Variants in KLHL1 observed in about 807,000 individuals in gnomAD.
The protein encoded by KLHL1 is kelch like family member 1.
KLHL1 carries 47 observed loss-of-function variants against 77.7 expected under a neutral mutation model. That is an observed-to-expected ratio of 0.60 (90% CI 0.48 to 0.77). The LOEUF is 0.77. Ranked by LOEUF, KLHL1 falls within the 30% of genes least tolerant of loss-of-function variation. The pLI is 0.00. For missense variants in KLHL1, 925 were observed against 910.8 expected, an observed-to-expected ratio of 1.02 and a Z score of -0.20; for synonymous variants, 360 against 325.2, an observed-to-expected ratio of 1.11 and a Z score of -1.15.
chr13:69,946,352 A>G (rs1486950425), intron 3 of KLHL1, among the ~76,000 whole-genome samples: 2 of 152,034 alleles, frequency 1.3e-5, no homozygotes, highest in Non-Finnish European at 2.9e-5. Flanking sequence ...TAAAGCTTTA[A>G]AAAAGAATAC....
At chr13:70,087,371 G>A (rs756835920) in intron 1 of KLHL1, among the ~76,000 whole-genome samples, 10 of 152,110 alleles carry the variant, frequency 6.6e-5, no homozygotes, top group Non-Finnish European at 1.5e-4. Context: ...ACTGGGGCAG[G>A]CTGAGGCATG....
intron 4 of KLHL1, among the ~76,000 whole-genome samples, chr13:69,920,381 T>G (rs1379875437): frequency 6.6e-6 from 1 of 152,144 alleles, no homozygotes; most frequent in African/African-American, 2.4e-5. Flanking sequence ...CACAGTGCTA[T>G]TTTAAGAAAT....
intron 5 of KLHL1, among the ~76,000 whole-genome samples, chr13:69,875,908 T>A (rs993240367): frequency 2.1e-4 from 32 of 152,076 alleles, no homozygotes; most frequent in African/African-American, 7.7e-4. Flanking sequence ...ATCTCAATAA[T>A]GATGGCCTGG....
intron 7 of KLHL1, among the ~76,000 whole-genome samples, chr13:69,743,549 C>G (rs1366531351): frequency 6.6e-6 from 1 of 152,058 alleles, no homozygotes; most frequent in Non-Finnish European, 1.5e-5. Flanking sequence ...CTTTGAGAGG[C>G]TGAGGTGGGC....
At chr13:69,778,732 A>C (rs1032752851) in intron 7 of KLHL1, among the ~76,000 whole-genome samples, 1 of 151,952 alleles carries the variant, frequency 6.6e-6, no homozygotes, top group Non-Finnish European at 1.5e-5. Context: ...GTTTGCAACA[A>C]GTGTATAAAA....
At chr13:69,777,828 C>T (rs987311190) in intron 7 of KLHL1, among the ~76,000 whole-genome samples, 1 of 152,092 alleles carries the variant, frequency 6.6e-6, no homozygotes, top group Non-Finnish European at 1.5e-5. Flanking sequence ...ACTTCCTACT[C>T]ATGTGTAAAG....
At chr13:69,981,528 T>G (rs1884707305) in intron 1 of KLHL1, among the ~76,000 whole-genome samples, 1 of 152,026 alleles carries the variant, frequency 6.6e-6, no homozygotes, top group Non-Finnish European at 1.5e-5. Flanking sequence ...ATGACTTTAT[T>G]TAAGGGAAAA....
intron 6 of KLHL1, among the ~76,000 whole-genome samples, chr13:69,817,904 G>A (rs114117110): frequency 2.6e-5 from 4 of 152,064 alleles, no homozygotes; most frequent in Non-Finnish European, 5.9e-5. Context: ...CCTACAGAAT[G>A]TACAATGATG....
chr13:70,013,700 G>T (rs147445399), intron 1 of KLHL1, among the ~76,000 whole-genome samples: 1 of 151,968 alleles, frequency 6.6e-6, no homozygotes, highest in African/African-American at 2.4e-5. Context: ...AAATATTTGA[G>T]AGCTGTTCAA....
At chr13:69,732,917 A>G (rs960574411) in intron 8 of KLHL1, among the ~76,000 whole-genome samples, 3 of 152,100 alleles carry the variant, frequency 2.0e-5, no homozygotes, top group Non-Finnish European at 4.4e-5. Flanking sequence ...TTCAGTGCAC[A>G]GGGCCCTTCC....
At chr13:70,103,587 A>T (rs1165400503) in intron 1 of KLHL1, among the ~76,000 whole-genome samples, 1 of 152,168 alleles carries the variant, frequency 6.6e-6, no homozygotes, top group African/African-American at 2.4e-5. Flanking sequence ...ATCGTAGCTT[A>T]GATTAGGCGC....
intron 1 of KLHL1, among the ~76,000 whole-genome samples, chr13:70,033,737 A>C (rs1468337641): frequency 6.8e-6 from 1 of 146,352 alleles, no homozygotes; most frequent in African/African-American, 2.6e-5. Flanking sequence ...CTCATGTCTC[A>C]GCCTCTAGAG....
chr13:69,716,687 C>T lies in KLHL1; in HGVS notation c.2015+2682G>A, dbSNP rs1876133416. Among the ~76,000 whole-genome samples, 5 of 152,098 alleles carry T rather than the reference C, an allele frequency of 3.3e-5. No homozygotes were observed. In the South Asian group the frequency reaches 1.0e-3, roughly 32 times the overall value. On this transcript the variant is annotated intron_variant, in intron 9 of 10. Transcript: ENST00000377844. ...TTTTTACTCAGCAGTGGGACTGATGCCTTTGAGCATATTTTCTGATCTGTT... is the reference window on the plus strand; with the variant it reads ...TTTTTACTCAGCAGTGGGACTGATGTCTTTGAGCATATTTTCTGATCTGTT...
At chr13:69,762,611 C>T (rs1450132550) in intron 7 of KLHL1, among the ~76,000 whole-genome samples, 1 of 150,134 alleles carries the variant, frequency 6.7e-6, no homozygotes, top group Non-Finnish European at 1.5e-5. Flanking sequence ...AGGGCTGCTC[C>T]AGACTCTTGG....
chr13:70,061,645 A>T (rs1249531827), intron 1 of KLHL1, among the ~76,000 whole-genome samples: 3 of 152,124 alleles, frequency 2.0e-5, no homozygotes, highest in African/African-American at 7.2e-5. Flanking sequence ...CCACCCTGTG[A>T]ATTGGCAAAG....
At chr13:69,981,174 T>G (rs2137299174) in intron 1 of KLHL1, among the ~76,000 whole-genome samples, 1 of 152,278 alleles carries the variant, frequency 6.6e-6, no homozygotes, top group African/African-American at 2.4e-5. Context: ...CCAGAATACA[T>G]ACTTCCTTGT....
intron 1 of KLHL1, among the ~76,000 whole-genome samples, chr13:70,088,161 T>G (rs1887590221): frequency 6.6e-6 from 1 of 152,130 alleles, no homozygotes. Flanking sequence ...TTCTGCTGAT[T>G]TTTTTCCAGC....
At chr13:69,942,686 T>C (rs1883404340) in intron 3 of KLHL1, among the ~76,000 whole-genome samples, 1 of 152,166 alleles carries the variant, frequency 6.6e-6, no homozygotes, top group South Asian at 2.1e-4. Context: ...TGTATGTGTG[T>C]ATTTATGTTG....
chr13:70,101,389 A>C (rs1046539358), intron 1 of KLHL1, among the ~76,000 whole-genome samples: 1 of 151,852 alleles, frequency 6.6e-6, no homozygotes, highest in Non-Finnish European at 1.5e-5. Flanking sequence ...GTAGTTCTGG[A>C]GTTTTGGGTA....
Sources: allele counts gnomAD v4.1 joint callset (sites outside exome capture counted in the v4.1 genomes callset), GRCh38; gene constraint gnomAD v4.1.1; transcripts MANE v1.5; gene names NCBI Gene and HGNC (gene_info 2026-07-23, HGNC 2026-07-21).